The following HUNK variants were observed in gnomAD, a reference collection of about 807,000 sequenced individuals.
The protein encoded by HUNK is hormonally up-regulated neu tumor-associated kinase.
HUNK carries 21 observed loss-of-function variants against 61.0 expected under a neutral mutation model. That is an observed-to-expected ratio of 0.34 (90% CI 0.24 to 0.50). HUNK has a LOEUF of 0.50. Ranked by LOEUF, HUNK falls within the 20% of genes least tolerant of loss-of-function variation. The pLI is 0.98. For synonymous variants in HUNK, 371 were observed against 386.1 expected (o/e 0.96, Z 0.46); for missense variants, 772 against 945.7 (o/e 0.82, Z 2.41).
intron 4 of HUNK, among the ~76,000 whole-genome samples, chr21:31,952,030 T>A (rs1408405542): frequency 6.6e-6 from 1 of 151,776 alleles, no homozygotes; most frequent in African/African-American, 2.4e-5. Context: ...ACGAGATTTT[T>A]TTTTTATAGC....
chr21:31,987,167 A>G (rs1022887573), intron 8 of HUNK, among the ~76,000 whole-genome samples: 8 of 152,222 alleles, frequency 5.3e-5, no homozygotes, highest in Non-Finnish European at 7.3e-5. Context: ...CAGGTGGGAT[A>G]CCTGGCTGGA....
intron 4 of HUNK, among the ~76,000 whole-genome samples, chr21:31,953,702 C>T (rs138276612): frequency 1.4e-4 from 22 of 152,228 alleles, no homozygotes; most frequent in African/African-American, 4.1e-4. Context: ...GAGCCTCATA[C>T]GATCTGAGAG....
intron 5 of HUNK, among the ~76,000 whole-genome samples, chr21:31,960,976 T>C (rs947035246): frequency 6.6e-6 from 1 of 152,228 alleles, no homozygotes; most frequent in African/African-American, 2.4e-5. Flanking sequence ...TGTGTGTTGC[T>C]GTATATTAGT....
At chr21:31,943,587 G>C (rs2052782924) in intron 3 of HUNK, among the ~76,000 whole-genome samples, 1 of 152,188 alleles carries the variant, frequency 6.6e-6, no homozygotes, top group Non-Finnish European at 1.5e-5. Flanking sequence ...CTTTTGGCTA[G>C]ATCAACATAA....
intron 1 of HUNK, among the ~76,000 whole-genome samples, chr21:31,904,937 G>A (rs1195803619): frequency 6.6e-6 from 1 of 152,056 alleles, no homozygotes; most frequent in Admixed American, 6.6e-5. Flanking sequence ...ATAGTAGCCA[G>A]CACGGTGGTG....
chr21:31,893,492 A>G lies in HUNK; in HGVS notation c.261+19557A>G, dbSNP rs143957463. 3.3e-3 allele frequency among the ~76,000 whole-genome samples: 509 copies of G among 152,248 alleles called. 5 individuals carry two copies. Among genetic ancestry groups the G allele is most frequent in the African/African-American group, 0.011 (477 of 41,554 alleles). ...GGAGTGTCATGTTCTGGTCTCCTAT[A>G]GTCATGTTTCGGGGTGGTTGGTGTG... On this transcript the variant is annotated intron_variant, in intron 1 of 10. Transcript: ENST00000270112.
intron 2 of HUNK, among the ~76,000 whole-genome samples, chr21:31,933,056 C>T (rs942817172): frequency 2.0e-5 from 3 of 151,894 alleles, no homozygotes; most frequent in South Asian, 2.1e-4. Context: ...GCTGAGACTA[C>T]AGGCGCCCAT....
intron 8 of HUNK, among the ~76,000 whole-genome samples, chr21:31,985,597 G>A (rs2053127341): frequency 6.6e-6 from 1 of 152,202 alleles, no homozygotes; most frequent in South Asian, 2.1e-4. Context: ...AGACAGGGCT[G>A]GAGGTGGCCG....
Position 31,966,335 on chromosome 21 carries a change from TG to T in HUNK, c.875-1912del, listed in dbSNP as rs543069203. ...TTTTCTTTATCCACTTGTTAATTGA[TG>T]GGAATTTGGGCTGGTTCCATATTTT... On this transcript the variant is annotated intron_variant, in intron 5 of 10. Coordinates refer to ENST00000270112, the MANE Select transcript of HUNK (RefSeq NM_014586.2). 8.4e-4 allele frequency among the ~76,000 whole-genome samples: 128 copies of T among 152,342 alleles called. 1 individual carries two copies. Among genetic ancestry groups the T allele is most frequent in the African/African-American group, 3.0e-3 (124 of 41,582 alleles).
rs911680496 is a variant in HUNK, at chr21:31,924,288, G to C, written c.262-180G>C. 6.6e-6 allele frequency among the ~76,000 whole-genome samples: 1 copy of C among 151,888 alleles called. No individual in the cohort carries two copies. Among genetic ancestry groups the C allele is most frequent in the East Asian group, 1.9e-4 (1 of 5,190 alleles). On this transcript the variant is annotated intron_variant, in intron 1 of 10. Transcript: ENST00000270112. The surrounding 1 kb of genome is among the most constrained non-coding windows in gnomAD (Gnocchi z 5.1). ...TATATGTGTGTGTGTGTGTGTGTTT[G>C]TGTGGTATATGCATAAATATAAATG... is the stretch of plus-strand genomic sequence containing the variant.
intron 5 of HUNK, among the ~76,000 whole-genome samples, chr21:31,961,220 TA>T (rs2052925709): frequency 6.7e-6 from 1 of 149,934 alleles, no homozygotes; most frequent in Non-Finnish European, 1.5e-5. Context: ...TCCCTTGAGA[TA>T]ATCTGAGCTG....
At chr21:31,988,962 C>G (rs957954480) in intron 8 of HUNK, among the ~76,000 whole-genome samples, 2 of 151,970 alleles carry the variant, frequency 1.3e-5, no homozygotes, top group African/African-American at 2.4e-5. Flanking sequence ...TCTCTAGTAG[C>G]TGGGACTACA....
intron 4 of HUNK, among the ~76,000 whole-genome samples, chr21:31,956,856 G>A (rs754633479): frequency 1.7e-4 from 26 of 152,052 alleles, no homozygotes; most frequent in South Asian, 8.3e-4. Flanking sequence ...TGTATCTGCC[G>A]AACCCCTATT....
intron 6 of HUNK, among the ~76,000 whole-genome samples, chr21:31,968,839 A>C (rs3932725): frequency 1.9e-5 from 1 of 51,446 alleles, no homozygotes; most frequent in Non-Finnish European, 3.6e-5. Flanking sequence ...GTTGTGTGTA[A>C]ATTTGTGTGT....
chr21:31,882,994 T>C (rs147569350), intron 1 of HUNK, among the ~76,000 whole-genome samples: 1 of 152,258 alleles, frequency 6.6e-6, no homozygotes, highest in Non-Finnish European at 1.5e-5. Context: ...CCATCCCTTG[T>C]TGATGGACAT....
At chr21:31,916,706 T>G (rs2052585473) in intron 1 of HUNK, among the ~76,000 whole-genome samples, 1 of 151,674 alleles carries the variant, frequency 6.6e-6, no homozygotes, top group African/African-American at 2.4e-5. Flanking sequence ...AGATGGAGTC[T>G]TGCTCTGTCA....
At position 32,002,994 on chromosome 21, in the gene HUNK, T is replaced by C. The variant is rs1451562380; in HGVS notation, c.*3810T>C. 1 of 152,200 alleles carries C rather than the reference T, an allele frequency of 6.6e-6. No homozygotes were observed. Among genetic ancestry groups the C allele is most frequent in the Non-Finnish European group, 1.5e-5 (1 of 68,044 alleles). 9.4% of individuals were successfully genotyped at this position (152,200 alleles called of 1,614,324 possible). A position where few individuals can be genotyped will look rare whatever the true frequency, so the allele number is the denominator to read the frequency against. On this transcript the variant is annotated 3_prime_UTR_variant, in exon 11 of 11. Coordinates refer to ENST00000270112, the MANE Select transcript of HUNK (RefSeq NM_014586.2). ...AAGATTCTCTGGCTCAGCCCCAGCC[T>C]TTCTGAAGAAGGGAAAACTAGGGAC...
chr21:31,894,498 T>C (rs2052412206), intron 1 of HUNK, among the ~76,000 whole-genome samples: 1 of 152,188 alleles, frequency 6.6e-6, no homozygotes, highest in Non-Finnish European at 1.5e-5. Context: ...TGATCATTTG[T>C]TTTGTCATTC....
chr21:31,963,860 G>A (rs996130743), intron 5 of HUNK, among the ~76,000 whole-genome samples: 1 of 152,144 alleles, frequency 6.6e-6, no homozygotes, highest in African/African-American at 2.4e-5. Context: ...GATTAAGTTG[G>A]AAGAATTTTT....
Sources: allele counts gnomAD v4.1 joint callset (sites outside exome capture counted in the v4.1 genomes callset), GRCh38; gene constraint gnomAD v4.1.1; non-coding constraint Gnocchi (gnomAD v3.1); transcripts MANE v1.5; gene names NCBI Gene and HGNC (gene_info 2026-07-23, HGNC 2026-07-21).